CLCN1: variants seen among roughly 807,000 people sequenced by gnomAD.
CLCN1 encodes the protein chloride voltage-gated channel 1.
A neutral mutation model predicts 114.5 loss-of-function variants in CLCN1; 100 were observed. That is an observed-to-expected ratio of 0.87 (90% CI 0.74 to 1.03). The LOEUF is 1.03. Among genes scored for constraint, CLCN1 ranks in the 50% least tolerant of loss-of-function variants. The probability of loss-of-function intolerance (pLI) is 0.00; values close to 1 mark genes in which losing one functional copy is unlikely to be tolerated. For missense variants in CLCN1, 1,188 were observed against 1,250.0 expected, an observed-to-expected ratio of 0.95 and a Z score of 0.75; for synonymous variants, 485 against 487.1, an observed-to-expected ratio of 1.00 and a Z score of 0.06.
chr7:143,339,231 C>A lies in CLCN1; in HGVS notation c.1402-22C>A. The A allele has an allele frequency of 8.5e-6, 13 of 1,534,594 alleles. No individual in the cohort carries two copies. Among genetic ancestry groups the A allele is most frequent in the South Asian group, 1.1e-5 (1 of 89,438 alleles). The stretch of plus-strand genomic sequence containing the variant: ...TATTGGGCAGAGTTGAAAGGGTATT[C>A]CAACGCTTCTTTCTACTCCAGTTCT... On this transcript the variant is annotated intron_variant, in intron 12 of 22. Transcript: ENST00000343257. This position sits in a 1 kb window ranked among gnomAD's most constrained non-coding sequence, Gnocchi z 4.1.
chr7:143,341,415 CAT>C (rs1007296127), intron 14 of CLCN1, among the ~76,000 whole-genome samples: 3 of 151,862 alleles, frequency 2.0e-5, no homozygotes, highest in Admixed American at 6.6e-5. Flanking sequence ...AAAAATTAGA[CAT>C]GTGTGTTGGT....
chr7:143,337,083 G>T (rs1469142789), intron 12 of CLCN1, among the ~76,000 whole-genome samples: 1 of 152,326 alleles, frequency 6.6e-6, no homozygotes, highest in East Asian at 1.9e-4. Context: ...GTAGCTTCCA[G>T]TGGGGTCTGG....
intron 12 of CLCN1, among the ~76,000 whole-genome samples, chr7:143,337,327 CAG>C (rs1802931913): frequency 1.3e-5 from 2 of 152,362 alleles, no homozygotes; most frequent in Admixed American, 1.3e-4. Flanking sequence ...TCTCTGTCCT[CAG>C]GGGATTCTCA....
intron 7 of CLCN1, among the ~76,000 whole-genome samples, chr7:143,326,375 A>T (rs910134605): frequency 3.2e-4 from 49 of 152,178 alleles, no homozygotes; most frequent in African/African-American, 1.2e-3. Context: ...TTCTTACACT[A>T]ATGAAATAAA....
At chr7:143,338,616 T>C (rs1210472226) in intron 12 of CLCN1, among the ~76,000 whole-genome samples, 2 of 151,810 alleles carry the variant, frequency 1.3e-5, no homozygotes, top group Admixed American at 6.6e-5. Context: ...CAAAACCCCG[T>C]CTCTACTAAA....
At chr7:143,333,112 A>C (rs1344046156) in intron 12 of CLCN1, among the ~76,000 whole-genome samples, 1 of 152,100 alleles carries the variant, frequency 6.6e-6, no homozygotes, top group Non-Finnish European at 1.5e-5. Flanking sequence ...CAACATAGCC[A>C]ACATAGCGAA....
chr7:143,334,796 ATTAAT>A (rs1467162295), intron 12 of CLCN1, among the ~76,000 whole-genome samples: 1 of 152,214 alleles, frequency 6.6e-6, no homozygotes, highest in Non-Finnish European at 1.5e-5. Flanking sequence ...CATTCACTTT[ATTAAT>A]TTAATCCCTT....
chr7:143,346,344 G>C (rs1343690224), intron 18 of CLCN1, 93 bp downstream of exon 18: 5 of 838,348 alleles, frequency 6.0e-6, no homozygotes, highest in Non-Finnish European at 9.9e-6. Context: ...ATTCCTATGC[G>C]GGGTGGGGTG....
intron 12 of CLCN1, among the ~76,000 whole-genome samples, chr7:143,338,449 C>G (rs756144018): frequency 6.6e-6 from 1 of 152,106 alleles, no homozygotes; most frequent in Non-Finnish European, 1.5e-5. Context: ...CTCAATTAAT[C>G]ACACAATAAG....
In CLCN1 at chr7:143,351,867, G is replaced by T; in HGVS notation, c.2869G>T (p.Val957Leu). The change falls in exon 23 of 23, where the codon GTG becomes TTG. Residue 957 changes from valine (V) to leucine (L), a missense_variant. Physicochemically the swap from Val to Leu is conservative, Grantham distance 32. Coordinates refer to ENST00000343257, the MANE Select transcript of CLCN1 (RefSeq NM_000083.3). ...VEGELEELEL[V>L]ESPGLEEELA... ...GGGCGAGTTGGAGGAGCTGGAGCTG[G>T]TGGAGAGTCCAGGGCTGGAAGAGGA... is the stretch of plus-strand genomic sequence containing the variant. The T allele has an allele frequency of 6.2e-7, 1 of 1,613,970 alleles. No homozygotes were observed. Among genetic ancestry groups the T allele is most frequent in the Non-Finnish European group, 8.5e-7 (1 of 1,179,842 alleles).
chr7:143,320,073 A>G (rs1802385292), intron 2 of CLCN1, among the ~76,000 whole-genome samples, 198 bp downstream of exon 2: 1 of 152,202 alleles, frequency 6.6e-6, no homozygotes, highest in Non-Finnish European at 1.5e-5. Context: ...ACTGCAGCCT[A>G]GAACTCCTGG....
At chr7:143,341,098 C>T (rs1803063847) in intron 14 of CLCN1, among the ~76,000 whole-genome samples, 2 of 152,090 alleles carry the variant, frequency 1.3e-5, no homozygotes. Flanking sequence ...GAATTAAGCT[C>T]TACTCATTCC....
At position 143,341,951 on chromosome 7, in the gene CLCN1, C is replaced by A. The variant is rs200676193; in HGVS notation, c.1605C>A (p.Ala535=). ...AVIGAAALTG[A]VSHTVSTAVI... is the part of the protein sequence containing the mutation. ...TAGGAGCAGCAGCGCTGACTGGTGCCGTTTCCCACACAGTCTCCACAGCTG... is the reference window on the plus strand; with the variant it reads ...TAGGAGCAGCAGCGCTGACTGGTGCAGTTTCCCACACAGTCTCCACAGCTG... Residue 535 remains alanine, a synonymous_variant, in exon 15 of 23, where the codon GCC becomes GCA. Transcript: ENST00000343257. 1 of 1,613,770 alleles carries A rather than the reference C, an allele frequency of 6.2e-7. No individual in the cohort carries two copies. Among genetic ancestry groups the A allele is most frequent in the Non-Finnish European group, 8.5e-7 (1 of 1,179,978 alleles).
chr7:143,320,560 TCTCTCTCTCTCTC>T, intron 2 of CLCN1, 91 bp from the exon 3 acceptor site: 2 of 936,618 alleles, frequency 2.1e-6, no homozygotes, highest in Non-Finnish European at 3.2e-6. Context: ...CTTTTCTCTC[TCTCTCTCTCTCTC>T]TCTCTCTCTC....
At chr7:143,325,905 A>G (rs1352136567) in intron 7 of CLCN1, among the ~76,000 whole-genome samples, 1 of 152,236 alleles carries the variant, frequency 6.6e-6, no homozygotes, top group Non-Finnish European at 1.5e-5. Context: ...ATTGCTGTTG[A>G]CACAAGAAAT....
At position 143,316,384 on chromosome 7, in the gene CLCN1, C is replaced by G. The variant is rs779274886; in HGVS notation, c.172C>G (p.Pro58Ala). The G allele has an allele frequency of 6.2e-7, 1 of 1,612,950 alleles. No homozygotes were observed. The highest frequency in any genetic ancestry group is 1.7e-5 in the Admixed American group (1 of 60,016). Reference protein sequence around the residue: ...KDAGPRHNVHPTQIYGHHKEQ... With the variant: ...KDAGPRHNVHATQIYGHHKEQ... Reference sequence around the variant, plus strand: ...TGCAGGCCCCCGCCACAACGTCCACCCCACACAGGTAAAGTGCTCTAAGGG... The same window carrying G: ...TGCAGGCCCCCGCCACAACGTCCACGCCACACAGGTAAAGTGCTCTAAGGG... The change falls in exon 1 of 23, where the codon CCC (proline) becomes GCC (alanine). Residue 58 changes from proline (P) to alanine (A), a missense_variant. By Grantham distance (27) the Pro-to-Ala change is conservative. Transcript: ENST00000343257.
chr7:143,321,041 C>G lies in CLCN1; in HGVS notation c.433+246C>G, dbSNP rs1224213599. 6.6e-6 allele frequency among the ~76,000 whole-genome samples: 1 copy of G among 152,172 alleles called. No individual in the cohort carries two copies. The highest frequency in any genetic ancestry group is 1.5e-5 in the Non-Finnish European group (1 of 68,034). Reference sequence around the variant, plus strand: ...CCTCTAATAGGGTGGCCAACTTGCCCCAGTTCCCCAGGGACTTTCCCAGTT... The same window carrying G: ...CCTCTAATAGGGTGGCCAACTTGCCGCAGTTCCCCAGGGACTTTCCCAGTT... On this transcript the variant is annotated intron_variant, in intron 3 of 22. Transcript: ENST00000343257. The surrounding 1 kb of genome is among the most constrained non-coding windows in gnomAD (Gnocchi z 4.2).
In CLCN1 at chr7:143,332,845, T is replaced by A; in HGVS notation, c.1373T>A (p.Ile458Asn). 1 of 1,614,138 alleles carries A rather than the reference T, an allele frequency of 6.2e-7. No homozygotes were observed. Among genetic ancestry groups the A allele is most frequent in the Non-Finnish European group, 8.5e-7 (1 of 1,180,022 alleles). ...ATTCACCCCCGGGTCAACGTTGTCATCATCATCTTTCTCTTCTTCGTCATG... is the reference window on the plus strand; with the variant it reads ...ATTCACCCCCGGGTCAACGTTGTCAACATCATCTTTCTCTTCTTCGTCATG... Reference protein sequence around the residue: ...VWIHPRVNVVIIIFLFFVMKF... With the variant: ...VWIHPRVNVVNIIFLFFVMKF... Residue 458 changes from isoleucine to asparagine, a missense_variant, in exon 12 of 23, where the codon ATC (isoleucine) becomes AAC (asparagine). Physicochemically the swap from Ile to Asn is moderately radical, Grantham distance 149 (BLOSUM62 -3). Transcript: ENST00000343257.
At chr7:143,323,505 G>T in intron 6 of CLCN1, 119 bp downstream of exon 6, 1 of 782,938 alleles carries the variant, frequency 1.3e-6, no homozygotes, top group Non-Finnish European at 2.3e-6. Flanking sequence ...AAGCAGCATC[G>T]CACTAATCCA....
Sources: gnomAD v4.1 joint callset for allele counts (sites outside exome capture counted in the v4.1 genomes callset) on GRCh38, gnomAD v4.1.1 for gene constraint, Gnocchi (gnomAD v3.1) non-coding constraint, MANE v1.5 for transcripts, NCBI Gene and HGNC (gene_info 2026-07-23, HGNC 2026-07-21) for gene names.